Variants in FOXK2 observed in about 807,000 individuals in gnomAD.
FOXK2 encodes the protein forkhead box K2.
In FOXK2, 24 loss-of-function variants were observed where a neutral mutation model predicts 53.3. That is an observed-to-expected ratio of 0.45 (90% confidence interval 0.33 to 0.63). The LOEUF (loss-of-function observed/expected upper bound fraction) is 0.63, where lower values mean the gene tolerates loss of function less well. Ranked by LOEUF, FOXK2 falls within the 30% of genes least tolerant of loss-of-function variation. FOXK2 has a pLI of 0.03. For missense variants in FOXK2, 952 were observed against 910.5 expected, an observed-to-expected ratio of 1.05 and a Z score of -0.59; for synonymous variants, 505 against 407.1, an observed-to-expected ratio of 1.24 and a Z score of -2.89.
chr17:82,523,381 C>T (rs1385111089), intron 1 of FOXK2, among the ~76,000 whole-genome samples: 1 of 151,946 alleles, frequency 6.6e-6, no homozygotes, highest in Non-Finnish European at 1.5e-5. Context: ...GGTATCATTT[C>T]CAAATTTGTG....
intron 1 of FOXK2, among the ~76,000 whole-genome samples, chr17:82,531,687 A>G (rs1391470082): frequency 6.6e-6 from 1 of 152,210 alleles, no homozygotes; most frequent in African/African-American, 2.4e-5. Flanking sequence ...CAGTAAAAAT[A>G]AGGTACAAAA....
At chr17:82,521,560 T>TGC (rs1480084865) in intron 1 of FOXK2, among the ~76,000 whole-genome samples, 6 of 151,998 alleles carry the variant, frequency 3.9e-5, no homozygotes, top group Non-Finnish European at 8.8e-5. Context: ...TGTGTGTGTG[T>TGC]GCATGCGCTG....
chr17:82,529,037 A>G (rs1359434084), intron 1 of FOXK2, among the ~76,000 whole-genome samples: 1 of 152,088 alleles, frequency 6.6e-6, no homozygotes. Context: ...CTTACAACGC[A>G]CAGGACGCAG....
chr17:82,546,114 G>GTTTTTTT lies in FOXK2; in HGVS notation c.420-17226_420-17220dup, dbSNP rs531735206. Reference sequence around the variant, plus strand: ...GCTTACTTGCTACCAAGCATGGTTGGTTTTTTTTTTTTTTTTTTTTGAGAT... The same window carrying GTTTTTTT: ...GCTTACTTGCTACCAAGCATGGTTGGTTTTTTTTTTTTTTTTTTTTTTTTTTTGAGAT... On this transcript the variant is annotated intron_variant, in intron 1 of 8. Transcript: ENST00000335255. Among the ~76,000 whole-genome samples, 12 of 101,708 alleles carry GTTTTTTT rather than the reference G, an allele frequency of 1.2e-4. 1 individual carries two copies. Among genetic ancestry groups the GTTTTTTT allele is most frequent in the African/African-American group, 2.3e-4 (6 of 25,556 alleles). The allele number at this position is 101,708 out of a possible 152,430, so 66.7% of individuals were successfully genotyped here. A position where few individuals can be genotyped will look rare whatever the true frequency, so the allele number is the denominator to read the frequency against.
At chr17:82,526,214 C>G (rs988313920) in intron 1 of FOXK2, among the ~76,000 whole-genome samples, 1 of 152,152 alleles carries the variant, frequency 6.6e-6, no homozygotes, top group Non-Finnish European at 1.5e-5. Flanking sequence ...TGATTCTGTC[C>G]TACTCAGAAT....
rs1598247597 is a variant in FOXK2, at chr17:82,604,147, C to G, written c.*2648C>G. Reference sequence around the variant, plus strand: ...CCTCAGTGTCTGCTTTTCAGGAAGTCTGCTGTGACCTTTGCCCAACTTCTG... The same window carrying G: ...CCTCAGTGTCTGCTTTTCAGGAAGTGTGCTGTGACCTTTGCCCAACTTCTG... On this transcript the variant is annotated 3_prime_UTR_variant, in exon 9 of 9. Coordinates refer to ENST00000335255, the MANE Select transcript of FOXK2 (RefSeq NM_004514.4). The G allele has an allele frequency of 6.6e-6, 1 of 152,290 alleles. No individual in the cohort carries two copies. Among genetic ancestry groups the G allele is most frequent in the Admixed American group, 6.5e-5 (1 of 15,276 alleles). 9.4% of individuals were successfully genotyped at this position (152,290 alleles called of 1,614,324 possible).
At chr17:82,581,995 A>C (rs1198878451) in intron 4 of FOXK2, among the ~76,000 whole-genome samples, 1 of 152,184 alleles carries the variant, frequency 6.6e-6, no homozygotes, top group Non-Finnish European at 1.5e-5. Flanking sequence ...CTCTTCCTGG[A>C]AGATGGTGTC....
At chr17:82,572,132 G>T in intron 4 of FOXK2, 1 of 344,504 alleles carries the variant, frequency 2.9e-6, no homozygotes, top group Non-Finnish European at 5.2e-6. Context: ...TGTCTGCATA[G>T]GATTTGTGAA....
At chr17:82,573,830 G>T (rs1352566076) in intron 4 of FOXK2, among the ~76,000 whole-genome samples, 1 of 152,236 alleles carries the variant, frequency 6.6e-6, no homozygotes, top group Non-Finnish European at 1.5e-5. Context: ...ATTTCTGTGT[G>T]TTTTTTCTAA....
Position 82,520,050 on chromosome 17 carries a change from G to A in FOXK2, c.162G>A (p.Val54=), listed in dbSNP as rs2044343577. The change falls in exon 1 of 9, where the codon GTG becomes GTA. Residue 54 remains valine (V), a synonymous_variant. Coordinates refer to ENST00000335255, the MANE Select transcript of FOXK2 (RefSeq NM_004514.4). ...AGTATCTGATGAAGAAGCGCTCGGT[G>A]ACCATCGGCCGCAACTCGTCGCAGG... ...EFEYLMKKRS[V]TIGRNSSQGS... is the part of the protein sequence containing the mutation. The A allele has an allele frequency of 6.5e-7, 1 of 1,528,968 alleles. No homozygotes were observed. Among genetic ancestry groups the A allele is most frequent in the Non-Finnish European group, 8.8e-7 (1 of 1,139,470 alleles). The allele number at this position is 1,528,968 out of a possible 1,614,324, so 94.7% of individuals were successfully genotyped here.
At chr17:82,552,105 C>T (rs1053747786) in intron 1 of FOXK2, among the ~76,000 whole-genome samples, 4 of 152,236 alleles carry the variant, frequency 2.6e-5, no homozygotes, top group Non-Finnish European at 4.4e-5. Context: ...ACTCCCCTCG[C>T]GGTGGACCAA....
At chr17:82,567,926 C>CTTT (rs3065019) in intron 2 of FOXK2, 128 bp from the exon 3 acceptor site, 47 of 423,690 alleles carry the variant, frequency 1.1e-4, no homozygotes, top group Middle Eastern at 5.5e-4. Flanking sequence ...TATTCTCTTC[C>CTTT]TTTTTTTTTT....
chr17:82,562,553 C>G (rs1232698689), intron 1 of FOXK2, among the ~76,000 whole-genome samples: 1 of 150,896 alleles, frequency 6.6e-6, no homozygotes, highest in Non-Finnish European at 1.5e-5. Context: ...GCACTCCATT[C>G]TGGGCGACAA....
At chr17:82,571,356 G>A (rs1277497662) in intron 3 of FOXK2, among the ~76,000 whole-genome samples, 4 of 152,062 alleles carry the variant, frequency 2.6e-5, no homozygotes, top group South Asian at 2.1e-4. Flanking sequence ...ATCCCAGCAC[G>A]TTGGGAGGCC....
intron 1 of FOXK2, among the ~76,000 whole-genome samples, chr17:82,536,214 A>G (rs567290230): frequency 2.0e-5 from 3 of 152,236 alleles, no homozygotes; most frequent in African/African-American, 4.8e-5. Context: ...TATTTAAGGC[A>G]GTTGTTTCAA....
intron 1 of FOXK2, among the ~76,000 whole-genome samples, chr17:82,525,909 C>G (rs1275470178): frequency 6.6e-6 from 1 of 152,100 alleles, no homozygotes; most frequent in Non-Finnish European, 1.5e-5. Context: ...TCTTACGTGG[C>G]ATGAATCCCA....
In FOXK2 at chr17:82,568,120, G is replaced by C; in HGVS notation, c.681G>C (p.Val227=). 3 of 1,613,958 alleles carry C rather than the reference G, an allele frequency of 1.9e-6. No individual in the cohort carries two copies. The highest frequency in any genetic ancestry group is 2.5e-6 in the Non-Finnish European group (3 of 1,180,020). ...AGSSGYKVGR[V]MPSDLNLMAD... ...CTTCAGGGTACAAGGTGGGCCGAGT[G>C]ATGCCATCTGACCTCAATTTAATGG... The change falls in exon 3 of 9, where the codon GTG becomes GTC. Residue 227 remains valine (V), a synonymous_variant. Transcript: ENST00000335255.
chr17:82,584,512 A>C (rs962050275), intron 6 of FOXK2, among the ~76,000 whole-genome samples: 3 of 142,570 alleles, frequency 2.1e-5, no homozygotes, highest in African/African-American at 7.6e-5. Flanking sequence ...AAAACCCATG[A>C]AGTAGACAAA....
intron 2 of FOXK2, 105 bp from the exon 3 acceptor site, chr17:82,567,942 TTTTTTTA>T: frequency 1.6e-6 from 1 of 623,524 alleles, no homozygotes; most frequent in South Asian, 3.8e-5. Context: ...TTTTTTTTTT[TTTTTTTA>T]ACATTTCTGT....
Sources: allele counts gnomAD v4.1 joint callset (sites outside exome capture counted in the v4.1 genomes callset), GRCh38; gene constraint gnomAD v4.1.1; transcripts MANE v1.5; gene names NCBI Gene and HGNC (gene_info 2026-07-23, HGNC 2026-07-21).